The following CDYL2 variants were observed in gnomAD, a reference collection of about 807,000 sequenced individuals.
CDYL2 encodes chromodomain Y like 2, also known as chromodomain Y-like protein 2.
Under a neutral mutation model 49.4 loss-of-function variants are expected in CDYL2, and 23 were observed. That is an observed-to-expected ratio of 0.47 (90% CI 0.34 to 0.66). CDYL2 has a LOEUF of 0.66. Among genes scored for constraint, CDYL2 ranks in the 30% least tolerant of loss-of-function variants. The pLI is 0.01. For synonymous variants in CDYL2, 360 were observed against 268.8 expected (o/e 1.34, Z -3.32); for missense variants, 678 against 656.4 (o/e 1.03, Z -0.36).
intron 1 of CDYL2, among the ~76,000 whole-genome samples, chr16:80,763,093 A>G: frequency 6.6e-6 from 1 of 152,148 alleles, no homozygotes; most frequent in Non-Finnish European, 1.5e-5. Context: ...ACTTGAGCCC[A>G]GGAGGTTGAG....
intron 3 of CDYL2, among the ~76,000 whole-genome samples, chr16:80,622,224 G>T (rs1192051826): frequency 6.6e-6 from 1 of 152,174 alleles, no homozygotes; most frequent in African/African-American, 2.4e-5. Flanking sequence ...GACAGGCAGG[G>T]GTGGGGCAGC....
chr16:80,744,212 G>T (rs188311104), intron 1 of CDYL2, among the ~76,000 whole-genome samples: 4 of 152,268 alleles, frequency 2.6e-5, no homozygotes, highest in Admixed American at 2.0e-4. Flanking sequence ...GAAAAGGCAG[G>T]AGCCCTGGGG....
intron 1 of CDYL2, among the ~76,000 whole-genome samples, chr16:80,799,825 G>A (rs1445838152): frequency 1.3e-5 from 2 of 152,218 alleles, no homozygotes; most frequent in African/African-American, 4.8e-5. Context: ...TTCATCAGGT[G>A]TCTTCTACGT....
At position 80,656,199 on chromosome 16, in the gene CDYL2, C is replaced by A. The variant is rs112448321; in HGVS notation, c.617-22963G>T. Among the ~76,000 whole-genome samples the A allele has an allele frequency of 2.3e-3, 353 of 152,364 alleles. 2 individuals carry two copies. Among genetic ancestry groups the A allele is most frequent in the African/African-American group, 8.1e-3 (337 of 41,578 alleles). The stretch of plus-strand genomic sequence containing the variant: ...TGGGGTCAATAAAGTGCCCAGCACA[C>A]TCCAGGCACTTCTCCAATGTCAGCT... On this transcript the variant is annotated intron_variant, in intron 2 of 6. Transcript: ENST00000570137.
At chr16:80,651,867 A>G (rs958485671) in intron 2 of CDYL2, among the ~76,000 whole-genome samples, 1 of 152,238 alleles carries the variant, frequency 6.6e-6, no homozygotes, top group African/African-American at 2.4e-5. Context: ...CTGGAATTGA[A>G]TGATTAAGTA....
At chr16:80,659,094 TGGATGGACAGAC>T (rs1199800809) in intron 2 of CDYL2, among the ~76,000 whole-genome samples, 1 of 119,714 alleles carries the variant, frequency 8.4e-6, no homozygotes, top group Non-Finnish European at 1.7e-5. Flanking sequence ...GATGGATGGA[TGGATGGACAGAC>T]GGATGGATGG....
intron 5 of CDYL2, among the ~76,000 whole-genome samples, chr16:80,611,461 G>A (rs1409924648): frequency 2.0e-5 from 3 of 152,114 alleles, no homozygotes; most frequent in Admixed American, 6.5e-5. Context: ...CACAGGGGAG[G>A]AGCCGTCAAA....
intron 2 of CDYL2, among the ~76,000 whole-genome samples, chr16:80,635,191 A>G (rs1197968849): frequency 2.0e-5 from 3 of 152,226 alleles, no homozygotes; most frequent in African/African-American, 7.2e-5. Context: ...CAATAGGCTA[A>G]AAGAAGAAAA....
intron 2 of CDYL2, among the ~76,000 whole-genome samples, chr16:80,645,218 G>T (rs957876671): frequency 3.3e-5 from 5 of 152,134 alleles, no homozygotes; most frequent in African/African-American, 4.8e-5. Context: ...CAGAATGGGA[G>T]AACATTTTTG....
chr16:80,803,554 C>T (rs375945143), intron 1 of CDYL2, among the ~76,000 whole-genome samples: 1 of 151,642 alleles, frequency 6.6e-6, no homozygotes, highest in African/African-American at 2.4e-5. Context: ...GCCCGGGGAC[C>T]CCGGGGAGCG....
At chr16:80,677,722 G>C (rs1472357138) in intron 2 of CDYL2, among the ~76,000 whole-genome samples, 2 of 151,350 alleles carry the variant, frequency 1.3e-5, no homozygotes, top group Non-Finnish European at 2.9e-5. Context: ...CTGGGCGACA[G>C]AGCGAGACTC....
chr16:80,656,956 G>C (rs2142428749), intron 2 of CDYL2, among the ~76,000 whole-genome samples: 1 of 152,330 alleles, frequency 6.6e-6, no homozygotes, highest in Non-Finnish European at 1.5e-5. Context: ...CAGTAACCAA[G>C]GGATGTGATA....
chr16:80,799,819 T>A (rs1907872231), intron 1 of CDYL2, among the ~76,000 whole-genome samples: 1 of 152,222 alleles, frequency 6.6e-6, no homozygotes, highest in Admixed American at 6.5e-5. Flanking sequence ...TCCATATTCA[T>A]CAGGTGTCTT....
chr16:80,700,803 A>T (rs908825595), intron 1 of CDYL2, among the ~76,000 whole-genome samples: 1 of 152,272 alleles, frequency 6.6e-6, no homozygotes, highest in Admixed American at 6.5e-5. Context: ...ATAGGTTCAC[A>T]TCATGCTAGC....
At chr16:80,614,642 G>T (rs964700909) in intron 4 of CDYL2, among the ~76,000 whole-genome samples, 1 of 152,148 alleles carries the variant, frequency 6.6e-6, no homozygotes, top group South Asian at 2.1e-4. Context: ...GAGGTGGATG[G>T]ATCACAAGGT....
At chr16:80,726,519 T>C (rs1328276621) in intron 1 of CDYL2, among the ~76,000 whole-genome samples, 1 of 152,216 alleles carries the variant, frequency 6.6e-6, no homozygotes, top group Non-Finnish European at 1.5e-5. Flanking sequence ...AAGCTTGACA[T>C]GCAATACATA....
At chr16:80,792,443 C>G (rs1907639083) in intron 1 of CDYL2, among the ~76,000 whole-genome samples, 1 of 152,142 alleles carries the variant, frequency 6.6e-6, no homozygotes, top group Non-Finnish European at 1.5e-5. Flanking sequence ...TATACATGAT[C>G]CTGTGCTGTG....
In CDYL2 at chr16:80,604,220, T is replaced by C; in HGVS notation, c.*168A>G. 1.4e-6 allele frequency: 1 copy of C among 723,902 alleles called. No individual in the cohort carries two copies. The highest frequency in any genetic ancestry group is 2.3e-6 in the Non-Finnish European group (1 of 441,820). 44.8% of individuals were successfully genotyped at this position (723,902 alleles called of 1,614,324 possible). On this transcript the variant is annotated 3_prime_UTR_variant, in exon 7 of 7. Coordinates refer to ENST00000570137, the MANE Select transcript of CDYL2 (RefSeq NM_152342.4). ...CAAGTATGCTGCGTTTTCCATCCAT[T>C]ACACAAAATCAAACCAAGGAGGAGC...
intron 1 of CDYL2, among the ~76,000 whole-genome samples, chr16:80,775,272 T>G (rs932536095): frequency 6.6e-6 from 1 of 151,964 alleles, no homozygotes. Flanking sequence ...TAATTGTTCA[T>G]TATTTAACTA....
Sources: allele counts gnomAD v4.1 joint callset (sites outside exome capture counted in the v4.1 genomes callset), GRCh38; gene constraint gnomAD v4.1.1; transcripts MANE v1.5; gene names NCBI Gene and HGNC (gene_info 2026-07-23, HGNC 2026-07-21).